The following RTTN variants were observed in gnomAD, a reference collection of about 807,000 sequenced individuals.
RTTN encodes rotatin.
In RTTN, 182 loss-of-function variants were observed where a neutral mutation model predicts 269.2. The observed-to-expected ratio is 0.68, with a 90% confidence interval of 0.60 to 0.76. The LOEUF is 0.76. RTTN is among the 30% of genes least tolerant of loss of function. The probability of loss-of-function intolerance (pLI) is 0.00; values close to 1 mark genes in which losing one functional copy is unlikely to be tolerated. For missense variants in RTTN, 2,545 were observed against 2,608.6 expected (o/e 0.98, Z 0.53); for synonymous variants, 1,006 against 963.5 (o/e 1.04, Z -0.82).
At chr18:70,086,526 A>G in intron 32 of RTTN, 87 bp downstream of exon 32, 1 of 1,033,302 alleles carries the variant, frequency 9.7e-7, no homozygotes, top group Non-Finnish European at 1.5e-6. Context: ...AGTTTCATCA[A>G]TAATGAAATA....
intron 6 of RTTN, among the ~76,000 whole-genome samples, chr18:70,197,173 C>T (rs1369335874): frequency 6.6e-6 from 1 of 152,172 alleles, no homozygotes; most frequent in East Asian, 1.9e-4. Context: ...TGCAATTCCC[C>T]ACCCTGGATC....
Position 70,059,833 on chromosome 18 carries a change from G to C in RTTN, c.4940+17C>G. 1 of 1,532,486 alleles carries C rather than the reference G, an allele frequency of 6.5e-7. No homozygotes were observed. Among genetic ancestry groups the C allele is most frequent in the Non-Finnish European group, 8.8e-7 (1 of 1,130,136 alleles). 94.9% of individuals were successfully genotyped at this position (1,532,486 alleles called of 1,614,324 possible). On this transcript the variant is annotated intron_variant, in intron 36 of 48. Coordinates refer to ENST00000640769, the MANE Select transcript of RTTN (RefSeq NM_173630.4). Reference sequence around the variant, plus strand: ...TATCTCAACTAACATGCCTCTCTAGGAGTATTTATCTCTTACCTACAGAGA... The same window carrying C: ...TATCTCAACTAACATGCCTCTCTAGCAGTATTTATCTCTTACCTACAGAGA...
chr18:70,175,044 C>CAAAAAA (rs1344280673), intron 11 of RTTN, among the ~76,000 whole-genome samples: 1 of 9,204 alleles, frequency 1.1e-4, no homozygotes, highest in Non-Finnish European at 2.6e-4. Context: ...AAAACCAAAA[C>CAAAAAA]CAAAAAAAAA....
At chr18:70,071,884 A>C (rs2058305169) in intron 34 of RTTN, among the ~76,000 whole-genome samples, 1 of 152,214 alleles carries the variant, frequency 6.6e-6, no homozygotes, top group Non-Finnish European at 1.5e-5. Flanking sequence ...TAACCAATAA[A>C]GGATTGCATT....
intron 14 of RTTN, among the ~76,000 whole-genome samples, chr18:70,162,129 T>A (rs184163365): frequency 1.3e-5 from 2 of 152,254 alleles, no homozygotes; most frequent in African/African-American, 4.8e-5. Flanking sequence ...CAACAGTGGA[T>A]TGGATAAAGA....
chr18:70,075,366 C>T lies in RTTN; in HGVS notation c.4550G>A (p.Ser1517Asn), dbSNP rs763439748. 1.9e-6 allele frequency: 3 copies of T among 1,577,148 alleles called. No homozygotes were observed. The highest frequency in any genetic ancestry group is 1.9e-5 in the Admixed American group (1 of 53,426). The change falls in exon 33 of 49, where the codon AGC (serine) becomes AAC (asparagine). Residue 1517 changes from serine to asparagine, a missense_variant. Coordinates refer to ENST00000640769, the MANE Select transcript of RTTN (RefSeq NM_173630.4). ...NFSAFDRNSE[S>N]NDLNGLDDSF... ...ATCGTACTTACCATTTAAATCATTG[C>T]TTTCTGAATTTCTATCAAAAGCAGA...
intron 38 of RTTN, 58 bp downstream of exon 38, chr18:70,054,073 A>C: frequency 7.2e-7 from 1 of 1,389,740 alleles, no homozygotes; most frequent in Non-Finnish European, 1.0e-6. Context: ...GAAACAGAGT[A>C]AGTTTTTTTT....
intron 48 of RTTN, 29 bp from the exon 49 acceptor site, chr18:70,004,265 T>C (rs1471589334): frequency 1.3e-6 from 2 of 1,514,616 alleles, no homozygotes; most frequent in Middle Eastern, 1.7e-4. Flanking sequence ...AGTACAGAAA[T>C]ACTAGTTTAT....
chr18:70,087,188 T>C (rs1448211134), intron 31 of RTTN, among the ~76,000 whole-genome samples: 1 of 152,086 alleles, frequency 6.6e-6, no homozygotes, highest in African/African-American at 2.4e-5. Context: ...ATCCTGAAGA[T>C]GATCAAATTA....
At chr18:70,031,173 T>C (rs2057002110) in intron 40 of RTTN, 192 bp from the exon 41 acceptor site, 2 of 548,626 alleles carry the variant, frequency 3.6e-6, no homozygotes, top group Non-Finnish European at 6.4e-6. Context: ...TTGCTTATAA[T>C]ATGGAAAAGA....
intron 18 of RTTN, 124 bp from the exon 19 acceptor site, chr18:70,142,511 A>C: frequency 4.8e-6 from 3 of 622,632 alleles, no homozygotes; most frequent in Admixed American, 2.9e-5. Flanking sequence ...AATAACCAAC[A>C]TAATTACAGG....
intron 14 of RTTN, among the ~76,000 whole-genome samples, chr18:70,157,960 G>A (rs931619179): frequency 6.7e-6 from 1 of 149,722 alleles, no homozygotes; most frequent in African/African-American, 2.5e-5. Context: ...TAAACAAAAC[G>A]AACCTAACAC....
intron 39 of RTTN, among the ~76,000 whole-genome samples, chr18:70,050,965 C>T (rs1371189835): frequency 6.6e-6 from 1 of 151,966 alleles, no homozygotes; most frequent in East Asian, 1.9e-4. Flanking sequence ...ATACCTAATG[C>T]ATGTGGGGCT....
In RTTN at chr18:70,008,904, T is replaced by C. The variant is rs1029193634; in HGVS notation, c.6422-2420A>G. On this transcript the variant is annotated intron_variant, in intron 46 of 48. Coordinates refer to ENST00000640769, the MANE Select transcript of RTTN (RefSeq NM_173630.4). ...CAGGCCAACATTCAAATTCAGGAAATACAGAGAACACCACAAAGATACTCC... is the reference window on the plus strand; with the variant it reads ...CAGGCCAACATTCAAATTCAGGAAACACAGAGAACACCACAAAGATACTCC... 3.3e-5 allele frequency: 5 copies of C among 151,926 alleles called. 1 individual carries two copies. Among genetic ancestry groups the C allele is most frequent in the Admixed American group, 1.3e-4 (2 of 15,242 alleles). The allele number at this position is 151,926 out of a possible 1,614,324, so 9.4% of individuals were successfully genotyped here.
intron 9 of RTTN, 140 bp downstream of exon 9, chr18:70,190,398 T>C: frequency 1.9e-6 from 1 of 536,260 alleles, no homozygotes; most frequent in Non-Finnish European, 3.1e-6. Context: ...CCTTATTAGG[T>C]TTTTAGAAAT....
intron 25 of RTTN, among the ~76,000 whole-genome samples, chr18:70,126,996 A>G (rs2059881165): frequency 6.6e-6 from 1 of 152,190 alleles, no homozygotes; most frequent in South Asian, 2.1e-4. Flanking sequence ...ATCTGCTACA[A>G]GTTAAGCATG....
At chr18:70,034,634 C>T (rs916435310) in intron 40 of RTTN, among the ~76,000 whole-genome samples, 4 of 152,172 alleles carry the variant, frequency 2.6e-5, no homozygotes, top group Non-Finnish European at 4.4e-5. Context: ...AAAACTGGCA[C>T]AAGACAAGGA....
Position 70,024,930 on chromosome 18 carries a change from A to G in RTTN, c.5824-82T>C, listed in dbSNP as rs1044588132. 7.4e-6 allele frequency: 11 copies of G among 1,489,418 alleles called. No individual in the cohort carries two copies. The African/African-American group carries it at 1.4e-4, about 19-fold the overall frequency. The allele number at this position is 1,489,418 out of a possible 1,614,324, so 92.3% of individuals were successfully genotyped here. ...AAAATCAAAACAACAACAGAAAGCC[A>G]TCAACATAAGACCCAAGGAGAACCC... On this transcript the variant is annotated intron_variant, in intron 43 of 48. Coordinates refer to ENST00000640769, the MANE Select transcript of RTTN (RefSeq NM_173630.4).
intron 10 of RTTN, among the ~76,000 whole-genome samples, chr18:70,180,121 TA>T (rs11316357): frequency 0.11 from 16,214 of 145,980 alleles, 1,582 homozygotes; most frequent in African/African-American, 0.27. Flanking sequence ...TCCGCCAGAT[TA>T]AAAAAAAAAA....
Sources: gnomAD v4.1 joint callset for allele counts (sites outside exome capture counted in the v4.1 genomes callset) on GRCh38, gnomAD v4.1.1 for gene constraint, MANE v1.5 for transcripts, NCBI Gene and HGNC (gene_info 2026-07-23, HGNC 2026-07-21) for gene names.